Variants in HIBCH observed in about 807,000 individuals in gnomAD.
HIBCH encodes the protein 3-hydroxyisobutyryl-CoA hydrolase, mitochondrial.
HIBCH carries 50 observed loss-of-function variants against 58.2 expected under a neutral mutation model. The observed-to-expected ratio is 0.86, with a 90% CI of 0.68 to 1.09. HIBCH has a LOEUF of 1.09. Among genes scored for constraint, HIBCH ranks in the 50% least tolerant of loss-of-function variants. The pLI is 0.00. For missense variants in HIBCH, 450 were observed against 449.7 expected (o/e 1.00, Z -0.01); for synonymous variants, 151 against 146.9 (o/e 1.03, Z -0.20).
intron 1 of HIBCH, among the ~76,000 whole-genome samples, chr2:190,313,004 C>A (rs1688598541): frequency 6.6e-6 from 1 of 152,230 alleles, no homozygotes; most frequent in African/African-American, 2.4e-5. Context: ...GAGGCTGAGG[C>A]AGGAGAATAG....
intron 2 of HIBCH, among the ~76,000 whole-genome samples, chr2:190,308,058 C>G (rs3791805): frequency 0.23 from 34,970 of 152,144 alleles, 4,210 homozygotes; most frequent in East Asian, 0.32. Flanking sequence ...AGAAAGGCCA[C>G]AGAAGAATTG....
chr2:190,249,169 C>T (rs1686693320), intron 9 of HIBCH, among the ~76,000 whole-genome samples: 1 of 152,138 alleles, frequency 6.6e-6, no homozygotes, highest in Non-Finnish European at 1.5e-5. Context: ...TAGGAGGCAG[C>T]ATGTATTCAA....
chr2:190,313,961 A>G (rs1329003751), intron 1 of HIBCH, among the ~76,000 whole-genome samples: 1 of 152,042 alleles, frequency 6.6e-6, no homozygotes, highest in Non-Finnish European at 1.5e-5. Flanking sequence ...ACTTGACTCA[A>G]TTTTATCTTT....
intron 11 of HIBCH, among the ~76,000 whole-genome samples, chr2:190,231,791 T>C (rs1686103378): frequency 2.0e-5 from 3 of 151,956 alleles, no homozygotes; most frequent in Admixed American, 6.6e-5. Flanking sequence ...GAAGGAAATA[T>C]GACATTATGT....
chr2:190,194,186 T>C (rs1689853615), intron 1 of HIBCH, among the ~76,000 whole-genome samples: 1 of 152,216 alleles, frequency 6.6e-6, no homozygotes, highest in African/African-American at 2.4e-5. Flanking sequence ...TGGTGAATGT[T>C]CCATATGCAC....
chr2:190,292,683 A>T (rs1290802331), intron 4 of HIBCH, among the ~76,000 whole-genome samples: 1 of 152,214 alleles, frequency 6.6e-6, no homozygotes, highest in Non-Finnish European at 1.5e-5. Context: ...TACCTAAACA[A>T]ACAAACAAAC....
chr2:190,261,217 G>A lies in HIBCH; in HGVS notation c.456C>T (p.Val152=). ...CTGTAGCCACTCGAAATTGCCCATG[G>A]ACTGAGAGACCAACTCCCTAGAGAA... ...ITMGGGVGLS[V]HGQFRVATEK... Residue 152 remains valine, a synonymous_variant, in exon 7 of 14, where the codon GTC becomes GTT. Coordinates refer to ENST00000359678, the MANE Select transcript of HIBCH (RefSeq NM_014362.4). 6.2e-7 allele frequency: 1 copy of A among 1,612,194 alleles called. No homozygotes were observed. The highest frequency in any genetic ancestry group is 8.5e-7 in the Non-Finnish European group (1 of 1,179,002).
At chr2:190,290,274 T>C (rs1354962311) in intron 5 of HIBCH, 131 bp downstream of exon 5, 1 of 701,060 alleles carries the variant, frequency 1.4e-6, no homozygotes, top group Non-Finnish European at 2.6e-6. Context: ...TTTAATCAAC[T>C]TTACTTATGC....
chr2:190,247,462 T>A (rs572325340), intron 9 of HIBCH, among the ~76,000 whole-genome samples: 1 of 152,224 alleles, frequency 6.6e-6, no homozygotes, highest in African/African-American at 2.4e-5. Context: ...CACCAAGTAC[T>A]TGGTGGCCCT....
intron 1 of HIBCH, among the ~76,000 whole-genome samples, chr2:190,312,481 G>A (rs1217066755): frequency 6.6e-6 from 1 of 152,118 alleles, no homozygotes; most frequent in East Asian, 1.9e-4. Context: ...CTGATAAACT[G>A]ACAATCTGTT....
rs775286873 is a variant in HIBCH, at chr2:190,319,681, A to G, written c.35+35T>C. The G allele has an allele frequency of 5.1e-6, 8 of 1,562,996 alleles. No individual in the cohort carries two copies. In the South Asian group the frequency reaches 6.7e-5, roughly 13 times the overall value. On this transcript the variant is annotated intron_variant, in intron 1 of 13. Coordinates refer to ENST00000359678, the MANE Select transcript of HIBCH (RefSeq NM_014362.4). ...TTCCCACTGTGGCGAGTGCCGCTGAAGAGCCTGCCCTTGGCCCCTCGCTCT... is the reference window on the plus strand; with the variant it reads ...TTCCCACTGTGGCGAGTGCCGCTGAGGAGCCTGCCCTTGGCCCCTCGCTCT...
chr2:190,256,221 G>A (rs1028528167), intron 7 of HIBCH, among the ~76,000 whole-genome samples: 1 of 151,988 alleles, frequency 6.6e-6, no homozygotes, highest in African/African-American at 2.4e-5. Context: ...AGGACACAAC[G>A]CCTAACCATA....
rs954263930 is a variant in HIBCH, at chr2:190,315,953, G to C, written c.35+3763C>G. Among the ~76,000 whole-genome samples, 4 of 152,084 alleles carry C rather than the reference G, an allele frequency of 2.6e-5. No individual in the cohort carries two copies. The highest frequency in any genetic ancestry group is 6.6e-5 in the Admixed American group (1 of 15,254). On this transcript the variant is annotated intron_variant, in intron 1 of 13. Coordinates refer to ENST00000359678, the MANE Select transcript of HIBCH (RefSeq NM_014362.4). This position sits in a 1 kb window ranked among gnomAD's most constrained non-coding sequence, Gnocchi z 5.4. ...GCAGAAATAGTCAACAGAAGAAAGA[G>C]ACTAGAGGTTGAAAGAAAAGTTAGA...
In HIBCH at chr2:190,214,639, C is replaced by T. The variant is rs892434450; in HGVS notation, c.892-1564G>A. On this transcript the variant is annotated intron_variant, in intron 11 of 13. Transcript: ENST00000359678. This position sits in a 1 kb window ranked among gnomAD's most constrained non-coding sequence, Gnocchi z 5.5. The stretch of plus-strand genomic sequence containing the variant: ...CTCTACGTGAATGATAAAACCCATA[C>T]TCACAGAGGATGTGGGTTATGTTCT... 1 of 152,192 alleles carries T rather than the reference C, an allele frequency of 6.6e-6. No individual in the cohort carries two copies. Among genetic ancestry groups the T allele is most frequent in the Non-Finnish European group, 1.5e-5 (1 of 68,032 alleles). 9.4% of individuals were successfully genotyped at this position (152,192 alleles called of 1,614,324 possible). A position where few individuals can be genotyped will look rare whatever the true frequency, so the allele number is the denominator to read the frequency against.
At position 190,295,866 on chromosome 2, in the gene HIBCH, T is replaced by C. The variant is rs1476177347; in HGVS notation, c.219+947A>G. 2.6e-5 allele frequency among the ~76,000 whole-genome samples: 4 copies of C among 152,324 alleles called. 1 individual carries two copies. In the East Asian group the frequency reaches 7.7e-4, roughly 29 times the overall value. ...GAATTGGTAGCCAGGGGAAAACTAG[T>C]ATTTGTTAAACATCTACATGGCAGA... On this transcript the variant is annotated intron_variant, in intron 3 of 13. Transcript: ENST00000359678.
chr2:190,287,068 A>AT lies in HIBCH; in HGVS notation c.438+517dup, dbSNP rs1267798934. Among the ~76,000 whole-genome samples the AT allele has an allele frequency of 1.8e-4, 12 of 67,250 alleles. No individual in the cohort carries two copies. In the East Asian group the frequency reaches 2.8e-3, roughly 15 times the overall value. 44.1% of individuals were successfully genotyped at this position (67,250 alleles called of 152,430 possible). A position where few individuals can be genotyped will look rare whatever the true frequency, so the allele number is the denominator to read the frequency against. ...TGTGTGTGTGTGTGTGTATACATAT[A>AT]TTTTTTTGTTTTTGAGACAGTCTCA... On this transcript the variant is annotated intron_variant, in intron 6 of 13. Coordinates refer to ENST00000359678, the MANE Select transcript of HIBCH (RefSeq NM_014362.4).
chr2:190,262,840 T>C (rs114590966), intron 6 of HIBCH, among the ~76,000 whole-genome samples: 1,771 of 152,260 alleles, frequency 0.012, 16 homozygotes, highest in Non-Finnish European at 0.018. Context: ...GACATCAAGA[T>C]TTGAGCAAAA....
intron 6 of HIBCH, among the ~76,000 whole-genome samples, chr2:190,267,336 C>A (rs1322406396): frequency 6.6e-6 from 1 of 152,096 alleles, no homozygotes; most frequent in Non-Finnish European, 1.5e-5. Flanking sequence ...TCCTGAGTAG[C>A]TGGGATTACA....
intron 13 of HIBCH, among the ~76,000 whole-genome samples, chr2:190,208,496 A>AT (rs1690446277): frequency 6.6e-6 from 1 of 152,192 alleles, no homozygotes; most frequent in Admixed American, 6.5e-5. Context: ...TTTTAAAACA[A>AT]TTATCAGTTT....
Sources: gnomAD v4.1 joint callset for allele counts (sites outside exome capture counted in the v4.1 genomes callset) on GRCh38, gnomAD v4.1.1 for gene constraint, Gnocchi (gnomAD v3.1) non-coding constraint, MANE v1.5 for transcripts, NCBI Gene and HGNC (gene_info 2026-07-23, HGNC 2026-07-21) for gene names.